The following ZFHX3 variants were observed in gnomAD, a reference collection of about 807,000 sequenced individuals.
The protein encoded by ZFHX3 is zinc finger homeobox 3.
In ZFHX3, 42 loss-of-function variants were observed where a neutral mutation model predicts 279.1. The observed-to-expected ratio is 0.15, with a 90% CI of 0.12 to 0.19. The LOEUF is 0.19. ZFHX3 is among the 10% of genes least tolerant of loss of function. The probability of loss-of-function intolerance (pLI) is 1.00; values close to 1 mark genes in which losing one functional copy is unlikely to be tolerated. For synonymous variants in ZFHX3, 2,293 were observed against 1,957.8 expected (o/e 1.17, Z -4.52); for missense variants, 4,981 against 4,754.0 (o/e 1.05, Z -1.40).
intron 2 of ZFHX3, among the ~76,000 whole-genome samples, chr16:73,657,205 C>T (rs1447383194): frequency 1.3e-5 from 2 of 152,164 alleles, no homozygotes; most frequent in Non-Finnish European, 2.9e-5. Flanking sequence ...GCCTGTAATC[C>T]CAGCACTTTG....
intron 1 of ZFHX3, among the ~76,000 whole-genome samples, chr16:73,697,691 T>C (rs1372340497): frequency 6.6e-6 from 1 of 152,204 alleles, no homozygotes; most frequent in Non-Finnish European, 1.5e-5. Context: ...TTTAAAATAT[T>C]TCTGCTTTAT....
intron 2 of ZFHX3, among the ~76,000 whole-genome samples, chr16:72,953,599 GCT>G (rs1453044384): frequency 6.6e-6 from 1 of 151,330 alleles, no homozygotes; most frequent in East Asian, 1.9e-4. Flanking sequence ...TCCACTTTAA[GCT>G]CTTTTTTTTT....
intron 2 of ZFHX3, among the ~76,000 whole-genome samples, chr16:73,557,613 T>C (rs1310078131): frequency 6.6e-6 from 1 of 152,164 alleles, no homozygotes; most frequent in East Asian, 1.9e-4. Flanking sequence ...TAAACTGTCA[T>C]GGTGCTGTTG....
chr16:73,776,251 T>C (rs1394997866), intron 1 of ZFHX3, among the ~76,000 whole-genome samples: 1 of 152,044 alleles, frequency 6.6e-6, no homozygotes, highest in Non-Finnish European at 1.5e-5. Context: ...ATGACTGAAG[T>C]GTGCAGGGCT....
At chr16:73,858,555 T>C (rs1961800015) in intron 1 of ZFHX3, among the ~76,000 whole-genome samples, 1 of 152,248 alleles carries the variant, frequency 6.6e-6, no homozygotes, top group Non-Finnish European at 1.5e-5. Context: ...TCATGAAATA[T>C]TGCCACACAT....
intron 1 of ZFHX3, among the ~76,000 whole-genome samples, chr16:73,831,336 C>T (rs77056862): frequency 6.6e-6 from 1 of 152,182 alleles, no homozygotes; most frequent in East Asian, 1.9e-4. Context: ...GGTTGTCACA[C>T]TTTGGCAGGG....
At chr16:73,592,709 T>A (rs780102199) in intron 2 of ZFHX3, among the ~76,000 whole-genome samples, 1 of 150,402 alleles carries the variant, frequency 6.6e-6, no homozygotes, top group Non-Finnish European at 1.5e-5. Context: ...TTGCTACTGT[T>A]ACATATGCTT....
In ZFHX3 at chr16:73,884,196, G is replaced by C. The variant is rs539536558; in HGVS notation, c.-1608+7455C>G. On this transcript the variant is annotated intron_variant, in intron 1 of 17. Coordinates refer to the ZFHX3 transcript ENST00000641206. ...TCTCATTGTGTATCAGGCCTGTATG[G>C]TTTCTGGAAGACAAAGGGGCAATTA... 2.6e-5 allele frequency among the ~76,000 whole-genome samples: 4 copies of C among 152,190 alleles called. No homozygotes were observed. In the East Asian group the frequency reaches 7.7e-4, roughly 29 times the overall value.
intron 4 of ZFHX3, among the ~76,000 whole-genome samples, chr16:73,277,399 G>A (rs969010930): frequency 2.0e-5 from 3 of 152,188 alleles, no homozygotes; most frequent in Non-Finnish European, 4.4e-5. Flanking sequence ...AGGCTCCCTG[G>A]ATTTTAGCTC....
At chr16:73,786,575 T>C (rs921753618) in intron 1 of ZFHX3, among the ~76,000 whole-genome samples, 3 of 152,188 alleles carry the variant, frequency 2.0e-5, no homozygotes, top group African/African-American at 4.8e-5. Context: ...GTGATAAGCC[T>C]GGACAACAAT....
intron 4 of ZFHX3, among the ~76,000 whole-genome samples, chr16:73,297,838 A>G (rs1370862735): frequency 1.3e-5 from 2 of 151,944 alleles, no homozygotes; most frequent in Non-Finnish European, 2.9e-5. Flanking sequence ...GTTCAGCTGA[A>G]TAAATGAGAT....
At chr16:73,223,389 T>G (rs1164499514) in intron 5 of ZFHX3, among the ~76,000 whole-genome samples, 1 of 152,128 alleles carries the variant, frequency 6.6e-6, no homozygotes, top group Non-Finnish European at 1.5e-5. Context: ...AACAACAGTC[T>G]AATTAGAAAA....
chr16:73,346,089 C>G (rs2016118585), intron 3 of ZFHX3, among the ~76,000 whole-genome samples: 1 of 152,296 alleles, frequency 6.6e-6, no homozygotes, highest in Non-Finnish European at 1.5e-5. Flanking sequence ...CTCAGCGACC[C>G]TGCACCTTTT....
At chr16:73,093,163 C>A (rs1381232921) in intron 8 of ZFHX3, 2 of 519,954 alleles carry the variant, frequency 3.8e-6, no homozygotes, top group Non-Finnish European at 7.7e-6. Context: ...GAGCCCTCAC[C>A]TCCAGCAGAG....
chr16:73,679,622 T>C (rs2052989992), intron 2 of ZFHX3: 1 of 152,202 alleles, frequency 6.6e-6, no homozygotes, highest in Non-Finnish European at 1.5e-5. Context: ...GCCACAGAAA[T>C]GAATTCCAAC....
At chr16:73,279,430 A>T (rs967011774) in intron 4 of ZFHX3, among the ~76,000 whole-genome samples, 2 of 152,158 alleles carry the variant, frequency 1.3e-5, no homozygotes, top group African/African-American at 4.8e-5. Context: ...TATAAAGAAA[A>T]AAAGAATGAG....
intron 2 of ZFHX3, among the ~76,000 whole-genome samples, chr16:73,479,453 G>T (rs781241638): frequency 2.6e-5 from 4 of 152,184 alleles, no homozygotes; most frequent in Middle Eastern, 3.4e-3. Flanking sequence ...TCTCAGCCTT[G>T]ACATCCAGCT....
chr16:73,617,837 C>T (rs1008223590), intron 2 of ZFHX3, among the ~76,000 whole-genome samples: 4 of 152,092 alleles, frequency 2.6e-5, no homozygotes, highest in African/African-American at 7.2e-5. Flanking sequence ...AAAATGACAA[C>T]GCCTCCCTTC....
intron 1 of ZFHX3, among the ~76,000 whole-genome samples, chr16:73,867,919 G>A (rs1437042962): frequency 6.6e-6 from 1 of 152,188 alleles, no homozygotes; most frequent in East Asian, 1.9e-4. Context: ...AGAACAGTGA[G>A]AACATGGTGA....
Sources: allele counts gnomAD v4.1 joint callset (sites outside exome capture counted in the v4.1 genomes callset), GRCh38; gene constraint gnomAD v4.1.1; transcripts MANE v1.5; gene names NCBI Gene and HGNC (gene_info 2026-07-23, HGNC 2026-07-21).